KDM7A: variants seen among roughly 807,000 people sequenced by gnomAD.
KDM7A encodes the protein lysine-specific demethylase 7A.
Under a neutral mutation model 114.8 loss-of-function variants are expected in KDM7A, and 28 were observed. The ratio of observed to expected loss-of-function variants is 0.24; its 90% CI spans 0.18 to 0.33. The LOEUF (loss-of-function observed/expected upper bound fraction) is 0.33. KDM7A is among the 10% of genes least tolerant of loss of function. KDM7A has a pLI of 1.00. For missense variants in KDM7A, 942 were observed against 1,142.5 expected (o/e 0.82, Z 2.53); for synonymous variants, 423 against 397.8 (o/e 1.06, Z -0.75).
intron 1 of KDM7A, among the ~76,000 whole-genome samples, chr7:140,148,167 T>C (rs1409262208): frequency 6.6e-6 from 1 of 151,638 alleles, no homozygotes; most frequent in Non-Finnish European, 1.5e-5. Context: ...ATTTTTTTCT[T>C]CAATAAGGTC....
At chr7:140,160,622 A>C (rs1200738594) in intron 1 of KDM7A, among the ~76,000 whole-genome samples, 1 of 152,180 alleles carries the variant, frequency 6.6e-6, no homozygotes, top group African/African-American at 2.4e-5. Context: ...AGGTGGTAAC[A>C]CTCCTGAAGA....
At chr7:140,103,277 AT>A (rs1818263470) in intron 11 of KDM7A, among the ~76,000 whole-genome samples, 1 of 151,654 alleles carries the variant, frequency 6.6e-6, no homozygotes, top group Non-Finnish European at 1.5e-5. Flanking sequence ...TTCAAGGTTC[AT>A]CCACGCTATA....
intron 1 of KDM7A, among the ~76,000 whole-genome samples, chr7:140,163,286 G>C (rs1794540372): frequency 6.6e-6 from 1 of 151,368 alleles, no homozygotes; most frequent in Non-Finnish European, 1.5e-5. Context: ...GAGCCACCAT[G>C]CCTGGCACCA....
At chr7:140,161,349 C>T (rs923566848) in intron 1 of KDM7A, among the ~76,000 whole-genome samples, 2 of 152,144 alleles carry the variant, frequency 1.3e-5, no homozygotes, top group Admixed American at 6.5e-5. Flanking sequence ...GCCAGAAAGC[C>T]CCTGTTTCAA....
rs3030431 is a variant in KDM7A at position 140,144,710 on chromosome 7, TACACACACAC to T, written c.195-5530_195-5521del. 1.9e-3 allele frequency among the ~76,000 whole-genome samples: 282 copies of T among 146,412 alleles called. No individual in the cohort carries two copies. The East Asian group carries it at 0.027, about 14-fold the overall frequency. On this transcript the variant is annotated intron_variant, in intron 1 of 19. Transcript: ENST00000397560. Reference sequence around the variant, plus strand: ...AGGTTCCAGATGTCTGTCCCCACCATACACACACACACACACACACACACACACCCTCATG... The same window carrying T: ...AGGTTCCAGATGTCTGTCCCCACCATACACACACACACACACACCCTCATG...
intron 11 of KDM7A, among the ~76,000 whole-genome samples, chr7:140,105,177 G>A (rs1585141713): frequency 1.3e-5 from 2 of 152,172 alleles, no homozygotes; most frequent in East Asian, 3.8e-4. Flanking sequence ...GTCAGCTTAA[G>A]GAGATTTTGG....
At chr7:140,152,295 C>T (rs111350562) in intron 1 of KDM7A, among the ~76,000 whole-genome samples, 53 of 152,090 alleles carry the variant, frequency 3.5e-4, no homozygotes, top group African/African-American at 8.9e-4. Flanking sequence ...CAACATCCTA[C>T]GTGGAAATTT....
chr7:140,091,090 T>C lies in KDM7A; in HGVS notation c.*4A>G, dbSNP rs1269888901. ...AGGGAAGAATGGCTGCAACAGCAGC[T>C]CTGTCACACAAAGAAACGTGCATGG... On this transcript the variant is annotated 3_prime_UTR_variant, in exon 20 of 20. Transcript: ENST00000397560. 1 of 1,607,780 alleles carries C rather than the reference T, an allele frequency of 6.2e-7. No individual in the cohort carries two copies. The highest frequency in any genetic ancestry group is 8.5e-7 in the Non-Finnish European group (1 of 1,174,194).
chr7:140,139,847 G>A (rs998613229), intron 1 of KDM7A, among the ~76,000 whole-genome samples: 2 of 152,156 alleles, frequency 1.3e-5, no homozygotes, highest in African/African-American at 4.8e-5. Flanking sequence ...GCCCATTTTA[G>A]GAATGATCCT....
chr7:140,094,476 GC>G (rs1470228413), intron 17 of KDM7A, among the ~76,000 whole-genome samples: 2 of 151,520 alleles, frequency 1.3e-5, no homozygotes, highest in Non-Finnish European at 2.9e-5. Flanking sequence ...CTGCATTCCA[GC>G]CTAGGCAACA....
chr7:140,150,827 CTTTTTTTT>C (rs922394260), intron 1 of KDM7A, among the ~76,000 whole-genome samples: 3 of 127,866 alleles, frequency 2.3e-5, no homozygotes, highest in Admixed American at 1.6e-4. Context: ...AATCTCTGTT[CTTTTTTTT>C]TTTTTTTTTT....
chr7:140,123,167 T>C lies in KDM7A; in HGVS notation c.1051+1454A>G, dbSNP rs150977707. On this transcript the variant is annotated intron_variant, in intron 7 of 19. Transcript: ENST00000397560. ...TCATGACACATCACACCCACTAGAA[T>C]AGAATAGAAGGCAATTACAGCACTG... Among the ~76,000 whole-genome samples the C allele has an allele frequency of 1.3e-4, 20 of 152,228 alleles. No individual in the cohort carries two copies. In the East Asian group the frequency reaches 3.5e-3, roughly 26 times the overall value.
At chr7:140,120,340 G>T in intron 8 of KDM7A, 102 bp downstream of exon 8, 1 of 655,832 alleles carries the variant, frequency 1.5e-6, no homozygotes, top group South Asian at 2.1e-5. Context: ...TATTTCCATG[G>T]AATCTCAAAT....
chr7:140,125,357 A>T (rs1393065954), intron 6 of KDM7A, among the ~76,000 whole-genome samples: 1 of 152,202 alleles, frequency 6.6e-6, no homozygotes, highest in Admixed American at 6.5e-5. Context: ...GCTGATGGAA[A>T]TTTTTTGTAT....
intron 1 of KDM7A, among the ~76,000 whole-genome samples, chr7:140,142,016 A>T (rs1209844458): frequency 7.3e-6 from 1 of 136,998 alleles, no homozygotes; most frequent in African/African-American, 2.6e-5. Context: ...TTTATATATA[A>T]TATATATTTA....
intron 7 of KDM7A, among the ~76,000 whole-genome samples, chr7:140,122,182 G>A (rs1818627292): frequency 2.0e-5 from 3 of 152,172 alleles, no homozygotes; most frequent in African/African-American, 7.2e-5. Flanking sequence ...CACCTAGATT[G>A]ATTTCCTTCC....
At chr7:140,130,366 T>C (rs1337272595) in intron 3 of KDM7A, among the ~76,000 whole-genome samples, 1 of 152,044 alleles carries the variant, frequency 6.6e-6, no homozygotes, top group Non-Finnish European at 1.5e-5. Flanking sequence ...ATGTCTGTAA[T>C]TTCCAGCACT....
intron 19 of KDM7A, among the ~76,000 whole-genome samples, chr7:140,091,453 G>T (rs139933932): frequency 6.6e-6 from 1 of 152,192 alleles, no homozygotes; most frequent in East Asian, 1.9e-4. Context: ...CTATGCTTAG[G>T]CAACAAAACT....
chr7:140,118,828 G>C (rs1818573666), intron 9 of KDM7A, among the ~76,000 whole-genome samples: 1 of 152,116 alleles, frequency 6.6e-6, no homozygotes, highest in South Asian at 2.1e-4. Context: ...ATGTATGCAG[G>C]CTTCTAGAGG....
Sources: gnomAD v4.1 joint callset for allele counts (sites outside exome capture counted in the v4.1 genomes callset) on GRCh38, gnomAD v4.1.1 for gene constraint, MANE v1.5 for transcripts, NCBI Gene and HGNC (gene_info 2026-07-23, HGNC 2026-07-21) for gene names.